Variants in DYNC1H1 observed in about 807,000 individuals in gnomAD.
The protein encoded by DYNC1H1 is cytoplasmic dynein 1 heavy chain 1.
A neutral mutation model predicts 527.1 loss-of-function variants in DYNC1H1; 51 were observed. The ratio of observed to expected loss-of-function variants is 0.10; its 90% confidence interval spans 0.08 to 0.12. DYNC1H1 has a LOEUF of 0.12. Among genes scored for constraint, DYNC1H1 ranks in the 10% least tolerant of loss-of-function variants. The pLI, the probability that DYNC1H1 is intolerant of heterozygous loss-of-function variation, is 1.00. For synonymous variants in DYNC1H1, 2,189 were observed against 2,278.8 expected (o/e 0.96, Z 1.12); for missense variants, 2,771 against 5,971.8 (o/e 0.46, Z 17.66).
At chr14:101,999,118 A>C (rs1460732369) in intron 16 of DYNC1H1, among the ~76,000 whole-genome samples, 1 of 151,886 alleles carries the variant, frequency 6.6e-6, no homozygotes, top group Non-Finnish European at 1.5e-5. Flanking sequence ...TCCTGACCTC[A>C]TGATCTGCCC....
At chr14:102,000,833 A>G in intron 18 of DYNC1H1, 121 bp from the exon 19 acceptor site, 1 of 894,842 alleles carries the variant, frequency 1.1e-6, no homozygotes, top group Non-Finnish European at 1.9e-6. Flanking sequence ...CCGGCCTCCC[A>G]AAGTGCTGGG....
In DYNC1H1 at chr14:102,004,066, C is replaced by A. The variant is rs1445606022; in HGVS notation, c.4884-452C>A. ...ACCATCCTGGCTAACATGGTGAAAC[C>A]CCGTCTCTACTAAAAATACAAAAAA... On this transcript the variant is annotated intron_variant, in intron 23 of 77. Coordinates refer to ENST00000360184, the MANE Select transcript of DYNC1H1 (RefSeq NM_001376.5). Among the ~76,000 whole-genome samples the A allele has an allele frequency of 2.6e-5, 4 of 151,526 alleles. No individual in the cohort carries two copies. The East Asian group carries it at 7.8e-4, about 30-fold the overall frequency.
In DYNC1H1 at chr14:102,041,703, C is replaced by T. The variant is rs879254308; in HGVS notation, c.12071C>T (p.Pro4024Leu). The T allele has an allele frequency of 9.3e-6, 15 of 1,614,154 alleles. No homozygotes were observed. Among genetic ancestry groups the T allele is most frequent in the African/African-American group, 2.7e-5 (2 of 75,052 alleles). ...TCTTTCATGTCCATCATGGAGCAGC[C>T]GCTCGACCTGACCCACATTGTGGGC... The part of the protein sequence containing the change: ...GESFMSIMEQ[P>L]LDLTHIVGTE... The change falls in exon 65 of 78, where the codon CCG becomes CTG. Residue 4024 changes from proline (P) to leucine (L), a missense_variant. By Grantham distance (98) the Pro-to-Leu change is moderately conservative (BLOSUM62 -3). Coordinates refer to ENST00000360184, the MANE Select transcript of DYNC1H1 (RefSeq NM_001376.5). The surrounding 1 kb of genome is among the most constrained non-coding windows in gnomAD (Gnocchi z 4.5).
rs1417056383 is a variant in DYNC1H1, at chr14:102,050,383, C to T, written c.13813-52C>T. 2.5e-6 allele frequency: 4 copies of T among 1,614,012 alleles called. No individual in the cohort carries two copies. In the African/African-American group the frequency reaches 4.0e-5, roughly 16 times the overall value. On this transcript the variant is annotated intron_variant, in intron 77 of 77. Coordinates refer to ENST00000360184, the MANE Select transcript of DYNC1H1 (RefSeq NM_001376.5). ...CCATCAGCTGTCCCGGGCAGTCTTCCAGTTTTCTTACTTTTCCCTTAAGCC... is the reference window on the plus strand; with the variant it reads ...CCATCAGCTGTCCCGGGCAGTCTTCTAGTTTTCTTACTTTTCCCTTAAGCC...
At chr14:101,999,357 G>C (rs2141284528) in intron 16 of DYNC1H1, among the ~76,000 whole-genome samples, 1 of 152,032 alleles carries the variant, frequency 6.6e-6, no homozygotes, top group East Asian at 1.9e-4. Context: ...GTCCCAGGCT[G>C]GTCGCAAACT....
chr14:102,042,255 A>T lies in DYNC1H1; in HGVS notation c.12242A>T (p.Asp4081Val). The change falls in exon 67 of 78, where the codon GAT becomes GTT. Residue 4081 changes from aspartate to valine, a missense_variant. Physicochemically the swap from Asp to Val is radical, Grantham distance 152 (BLOSUM62 -3). Coordinates refer to ENST00000360184, the MANE Select transcript of DYNC1H1 (RefSeq NM_001376.5). The surrounding 1 kb of genome is among the most constrained non-coding windows in gnomAD (Gnocchi z 5.7). ...TCTGCAGAAGGCTTTAACCAAGCAG[A>T]TAAGGCAATAAACACCGCTGTAAAG... ...IGSAEGFNQA[D>V]KAINTAVKSG... 1 of 1,614,078 alleles carries T rather than the reference A, an allele frequency of 6.2e-7. No homozygotes were observed. Among genetic ancestry groups the T allele is most frequent in the South Asian group, 1.1e-5 (1 of 91,080 alleles).
At chr14:102,034,235 C>G in intron 55 of DYNC1H1, 47 bp downstream of exon 55, 1 of 1,614,178 alleles carries the variant, frequency 6.2e-7, no homozygotes, top group African/African-American at 1.3e-5. Flanking sequence ...CAGTGTGAGG[C>G]AAGCTGGTGT....
In DYNC1H1 at chr14:102,042,747, A is replaced by T. The variant is rs771674356; in HGVS notation, c.12512A>T (p.Lys4171Met). The T allele has an allele frequency of 6.2e-7, 1 of 1,614,008 alleles. No homozygotes were observed. Among genetic ancestry groups the T allele is most frequent in the Non-Finnish European group, 8.5e-7 (1 of 1,180,022 alleles). The change falls in exon 69 of 78, where the codon AAG becomes ATG. Residue 4171 changes from lysine (K) to methionine (M), a missense_variant and splice_region_variant. Around this residue, in one of 32 missense-constraint regions of DYNC1H1, gnomAD observed 195 missense variants for 428.6 expected, o/e 0.45. Transcript: ENST00000360184. The surrounding 1 kb of genome is among the most constrained non-coding windows in gnomAD (Gnocchi z 5.7). The part of the protein sequence containing the change: ...FSSIPVSRIC[K>M]SPNERARLYF... Reference sequence around the variant, plus strand: ...AGCATTCCCGTCTCACGGATATGCAAGGTAAGTACCTTGTCCTCCTGGTAT... The same window carrying T: ...AGCATTCCCGTCTCACGGATATGCATGGTAAGTACCTTGTCCTCCTGGTAT...
chr14:101,984,177 G>A (rs1280552413), intron 7 of DYNC1H1, among the ~76,000 whole-genome samples: 1 of 149,544 alleles, frequency 6.7e-6, no homozygotes, highest in Non-Finnish European at 1.5e-5. Context: ...GGCTGTAGAG[G>A]AGGGGTCTCA....
At position 102,010,171 on chromosome 14, in the gene DYNC1H1, A is replaced by G. The variant is rs965964095; in HGVS notation, c.6221+85A>G. The G allele has an allele frequency of 1.2e-6, 2 of 1,612,106 alleles. No homozygotes were observed. Among genetic ancestry groups the G allele is most frequent in the African/African-American group, 2.7e-5 (2 of 74,920 alleles). Reference sequence around the variant, plus strand: ...AACCTTAAAATTTTTATATGTAATGATGGTACGTCTTTCAAAATATCCATC... The same window carrying G: ...AACCTTAAAATTTTTATATGTAATGGTGGTACGTCTTTCAAAATATCCATC... On this transcript the variant is annotated intron_variant, in intron 30 of 77. Coordinates refer to ENST00000360184, the MANE Select transcript of DYNC1H1 (RefSeq NM_001376.5). The surrounding 1 kb of genome is among the most constrained non-coding windows in gnomAD (Gnocchi z 6.0).
At chr14:101,994,046 G>A (rs1047795663) in intron 11 of DYNC1H1, 138 bp from the exon 12 acceptor site, 2 of 1,189,034 alleles carry the variant, frequency 1.7e-6, no homozygotes, top group South Asian at 2.5e-5. Context: ...TTGTGGCCAG[G>A]GTAAGTGGAT....
In DYNC1H1 at chr14:102,038,546, G is replaced by A. The variant is rs572991122; in HGVS notation, c.10995G>A (p.Gly3665=). ...GGGGGAGAGTGCTGATCACTCTCGG[G>A]GACCAGGACATAGACCTGTCGCCAT... ...RTGGRVLITL[G]DQDIDLSPSF... Residue 3665 remains glycine (G), a synonymous_variant, in exon 58 of 78, where the codon GGG becomes GGA. Transcript: ENST00000360184. This position sits in a 1 kb window ranked among gnomAD's most constrained non-coding sequence, Gnocchi z 7.2. 1.2e-5 allele frequency: 19 copies of A among 1,614,162 alleles called. No homozygotes were observed. In the South Asian group the frequency reaches 1.5e-4, roughly 13 times the overall value.
At chr14:102,013,623 G>C (rs557352947) in intron 34 of DYNC1H1, among the ~76,000 whole-genome samples, 2 of 152,150 alleles carry the variant, frequency 1.3e-5, no homozygotes, top group Non-Finnish European at 2.9e-5. Flanking sequence ...CCAGGTCAGG[G>C]GCCTAGGAGG....
At position 102,015,040 on chromosome 14, in the gene DYNC1H1, G is replaced by C; in HGVS notation, c.7015-65G>C. On this transcript the variant is annotated intron_variant, in intron 34 of 77. Coordinates refer to ENST00000360184, the MANE Select transcript of DYNC1H1 (RefSeq NM_001376.5). This position sits in a 1 kb window ranked among gnomAD's most constrained non-coding sequence, Gnocchi z 6.9. ...CCTTTCAGTGTATATATAGGTAAAA[G>C]AATCTTAATGTCCAGGTTTCTTCCA... is the stretch of plus-strand genomic sequence containing the variant. The C allele has an allele frequency of 6.3e-7, 1 of 1,581,340 alleles. No homozygotes were observed.
At chr14:102,047,160 T>G (rs1287264581) in intron 72 of DYNC1H1, among the ~76,000 whole-genome samples, 2 of 152,178 alleles carry the variant, frequency 1.3e-5, no homozygotes, top group Non-Finnish European at 2.9e-5. Flanking sequence ...TTAACAGTCA[T>G]GTTCTCGACC....
intron 16 of DYNC1H1, among the ~76,000 whole-genome samples, chr14:101,998,847 G>C (rs2048094896): frequency 6.7e-6 from 1 of 149,286 alleles, no homozygotes; most frequent in Non-Finnish European, 1.5e-5. Context: ...CTTTACCTTG[G>C]TGCCAGTAAT....
At chr14:101,980,604 A>G in intron 5 of DYNC1H1, 54 bp downstream of exon 5, 2 of 1,585,618 alleles carry the variant, frequency 1.3e-6, no homozygotes, top group East Asian at 2.2e-5. Flanking sequence ...GGCTTTTACG[A>G]GATCTTACTT....
At chr14:102,000,185 A>C (rs1595608328) in intron 17 of DYNC1H1, 41 bp downstream of exon 17, 1 of 1,614,022 alleles carries the variant, frequency 6.2e-7, no homozygotes. Context: ...CCCGCTCCCC[A>C]CCCGGACTCT....
chr14:101,978,091 G>A lies in DYNC1H1; in HGVS notation c.345-1228G>A, dbSNP rs548862998. On this transcript the variant is annotated intron_variant, in intron 2 of 77. Transcript: ENST00000360184. ...TCTTCTTGAGACGAAGTCTCGCTCTGTCGCCCAGTCTGGAGTGCAGTGGTG... is the reference window on the plus strand; with the variant it reads ...TCTTCTTGAGACGAAGTCTCGCTCTATCGCCCAGTCTGGAGTGCAGTGGTG... Among the ~76,000 whole-genome samples the A allele has an allele frequency of 3.9e-5, 6 of 152,292 alleles. No homozygotes were observed. In the East Asian group the frequency reaches 1.2e-3, roughly 29 times the overall value.
Sources: allele counts gnomAD v4.1 joint callset (sites outside exome capture counted in the v4.1 genomes callset), GRCh38; gene constraint gnomAD v4.1.1; regional missense constraint gnomAD v4.1.1; non-coding constraint Gnocchi (gnomAD v3.1); transcripts MANE v1.5; gene names NCBI Gene and HGNC (gene_info 2026-07-23, HGNC 2026-07-21).